The following ACCSL variants were observed in gnomAD, a reference collection of about 807,000 sequenced individuals.
The protein encoded by ACCSL is 1-aminocyclopropane-1-carboxylate synthase homolog (inactive) like, also known as probable inactive 1-aminocyclopropane-1-carboxylate synthase-like protein 2.
ACCSL carries 55 observed loss-of-function variants against 61.7 expected under a neutral mutation model. The observed-to-expected ratio is 0.89, with a 90% CI of 0.72 to 1.12. The LOEUF is 1.12. ACCSL is among the 50% of genes most tolerant of loss of function. The pLI, the probability that ACCSL is intolerant of heterozygous loss-of-function variation, is 0.00. For synonymous variants in ACCSL, 258 were observed against 264.3 expected (o/e 0.98, Z 0.23); for missense variants, 632 against 698.0 (o/e 0.91, Z 1.07).
At chr11:43,973,009 A>G in the ACCSL span, among the ~76,000 whole-genome samples, 3 of 152,234 alleles carry the variant, frequency 2.0e-5, no homozygotes, top group Non-Finnish European at 4.4e-5. Flanking sequence ...AAATTTAAAA[A>G]GAAAGAATCA....
At chr11:43,937,242 C>G in the ACCSL span, among the ~76,000 whole-genome samples, 1 of 152,276 alleles carries the variant, frequency 6.6e-6, no homozygotes, top group South Asian at 2.1e-4. Context: ...CAGTGGCCAA[C>G]AATGACCACC....
chr11:43,931,839 G>A, the ACCSL span, among the ~76,000 whole-genome samples: 4 of 152,148 alleles, frequency 2.6e-5, no homozygotes, highest in African/African-American at 9.7e-5. Context: ...TCCACAGGGG[G>A]GCAACATCAG....
the ACCSL span, among the ~76,000 whole-genome samples, chr11:43,938,982 C>T: frequency 0.19 from 28,822 of 152,152 alleles, 2,947 homozygotes; most frequent in Middle Eastern, 0.29. Context: ...AGTCTGACTT[C>T]CTGCTCCTTG....
chr11:43,978,886 T>G, the ACCSL span, among the ~76,000 whole-genome samples: 3 of 142,186 alleles, frequency 2.1e-5, no homozygotes, highest in African/African-American at 5.2e-5. Context: ...ACTGGTCGGG[T>G]AAGGGGTTTT....
At chr11:44,009,953 T>C in the ACCSL span, among the ~76,000 whole-genome samples, 2 of 152,178 alleles carry the variant, frequency 1.3e-5, no homozygotes, top group Non-Finnish European at 2.9e-5. Context: ...TTATTAATGA[T>C]GGTAAATGTG....
the ACCSL span, among the ~76,000 whole-genome samples, chr11:43,937,861 G>C: frequency 0.11 from 16,378 of 152,240 alleles, 1,020 homozygotes; most frequent in South Asian, 0.27. Flanking sequence ...AAGTGCTTCA[G>C]GTTGGTGGAT....
chr11:43,990,782 C>G, the ACCSL span, among the ~76,000 whole-genome samples: 47 of 152,246 alleles, frequency 3.1e-4, no homozygotes, highest in African/African-American at 1.1e-3. Context: ...TTCCACCCCA[C>G]TAAAGCCAGG....
chr11:43,948,058 C>G, the ACCSL span, among the ~76,000 whole-genome samples: 1 of 152,202 alleles, frequency 6.6e-6, no homozygotes, highest in Non-Finnish European at 1.5e-5. Context: ...TAATAGGTGG[C>G]CATCCCAGCT....
the ACCSL span, among the ~76,000 whole-genome samples, chr11:43,956,374 A>AG: frequency 6.6e-6 from 1 of 152,156 alleles, no homozygotes; most frequent in Non-Finnish European, 1.5e-5. Flanking sequence ...CAAAGGCAAG[A>AG]GGGGGTTGAT....
chr11:43,970,351 G>A, the ACCSL span, among the ~76,000 whole-genome samples: 1 of 152,124 alleles, frequency 6.6e-6, no homozygotes, highest in East Asian at 1.9e-4. Context: ...GACTACAGGT[G>A]CATGCCATCA....
the ACCSL span, among the ~76,000 whole-genome samples, chr11:43,998,716 CCTT>C: frequency 2.0e-5 from 3 of 152,018 alleles, no homozygotes; most frequent in Non-Finnish European, 4.4e-5. Flanking sequence ...TTCATTGTCA[CCTT>C]CTTCATAGAT....
chr11:43,978,572 T>G, the ACCSL span, among the ~76,000 whole-genome samples: 1 of 152,146 alleles, frequency 6.6e-6, no homozygotes, highest in Non-Finnish European at 1.5e-5. Context: ...CCACTGTCAA[T>G]GTCCCATCTG....
At chr11:43,959,292 C>T in the ACCSL span, among the ~76,000 whole-genome samples, 1 of 151,914 alleles carries the variant, frequency 6.6e-6, no homozygotes, top group Non-Finnish European at 1.5e-5. Context: ...AGAACAGGGC[C>T]ATATCCATGG....
the ACCSL span, among the ~76,000 whole-genome samples, chr11:44,004,194 G>T: frequency 2.0e-5 from 3 of 151,980 alleles, no homozygotes; most frequent in Admixed American, 6.6e-5. Context: ...GAGGTGAAGG[G>T]GGGGGATGTG....
At chr11:44,024,782 G>A in the ACCSL span, among the ~76,000 whole-genome samples, 3 of 151,814 alleles carry the variant, frequency 2.0e-5, no homozygotes, top group African/African-American at 7.3e-5. Flanking sequence ...TTGAAAGTGA[G>A]GTATTAAAGT....
At chr11:43,931,015 C>T in the ACCSL span, among the ~76,000 whole-genome samples, 6 of 152,176 alleles carry the variant, frequency 3.9e-5, no homozygotes, top group Non-Finnish European at 7.4e-5. Flanking sequence ...CCCAGCTCAT[C>T]TAGAAGGTTC....
chr11:43,940,799 G>A, the ACCSL span, among the ~76,000 whole-genome samples: 2 of 150,456 alleles, frequency 1.3e-5, no homozygotes, highest in African/African-American at 2.5e-5. Flanking sequence ...TTGCCTTAGC[G>A]TCTTTGCACT....
the ACCSL span, among the ~76,000 whole-genome samples, chr11:44,040,594 C>T: frequency 6.6e-6 from 1 of 152,132 alleles, no homozygotes; most frequent in Non-Finnish European, 1.5e-5. Context: ...AGGAGGGCGG[C>T]AGAGCAGGTC....
chr11:43,926,748 TG>T, the ACCSL span, among the ~76,000 whole-genome samples: 1 of 152,332 alleles, frequency 6.6e-6, no homozygotes, highest in Admixed American at 6.5e-5. Flanking sequence ...CTCTTTACAT[TG>T]GTGTGTGTGT....
Sources: allele counts gnomAD v4.1 joint callset (sites outside exome capture counted in the v4.1 genomes callset), GRCh38; gene constraint gnomAD v4.1.1; transcripts MANE v1.5; gene names NCBI Gene and HGNC (gene_info 2026-07-23, HGNC 2026-07-21).